CALCR: variants seen among roughly 807,000 people sequenced by gnomAD.
The protein encoded by CALCR is calcitonin receptor.
Under a neutral mutation model 59.5 loss-of-function variants are expected in CALCR, and 47 were observed. That is an observed-to-expected ratio of 0.79 (90% confidence interval 0.63 to 1.01). CALCR has a LOEUF of 1.01. Ranked by LOEUF, CALCR falls within the 50% of genes least tolerant of loss-of-function variation. CALCR has a pLI of 0.00. For synonymous variants in CALCR, 213 were observed against 211.3 expected, an observed-to-expected ratio of 1.01 and a Z score of -0.07; for missense variants, 566 against 597.1, an observed-to-expected ratio of 0.95 and a Z score of 0.54.
chr7:93,499,601 T>C (rs1801279813), intron 2 of CALCR, among the ~76,000 whole-genome samples: 3 of 151,958 alleles, frequency 2.0e-5, no homozygotes, highest in South Asian at 2.1e-4. Context: ...TGCAGACTTA[T>C]CAGCATTTCT....
chr7:93,534,701 T>C (rs765817421), intron 2 of CALCR, among the ~76,000 whole-genome samples: 21 of 151,704 alleles, frequency 1.4e-4, no homozygotes, highest in Non-Finnish European at 4.4e-5. Flanking sequence ...CTTCTGAAAC[T>C]GGAGTTTCAT....
At chr7:93,571,194 G>A (rs947131492) in intron 2 of CALCR, among the ~76,000 whole-genome samples, 1 of 151,992 alleles carries the variant, frequency 6.6e-6, no homozygotes, top group Non-Finnish European at 1.5e-5. Context: ...ACATTCACAT[G>A]GAAAAGCACA....
rs1268501794 is a variant in CALCR at position 93,425,110 on chromosome 7, G to A, written c.*1246C>T. 6.6e-6 allele frequency: 1 copy of A among 152,556 alleles called. No homozygotes were observed. Among genetic ancestry groups the A allele is most frequent in the Non-Finnish European group, 1.5e-5 (1 of 67,998 alleles). The allele number at this position is 152,556 out of a possible 1,614,324, so 9.5% of individuals were successfully genotyped here. A position where few individuals can be genotyped will look rare whatever the true frequency, so the allele number is the denominator to read the frequency against. On this transcript the variant is annotated 3_prime_UTR_variant, in exon 14 of 14. Coordinates refer to ENST00000426151, the MANE Select transcript of CALCR (RefSeq NM_001742.4). Reference sequence around the variant, plus strand: ...ATTTCAGGTGCCAGTAACGATACTGGTTTATTCAGGATTTTCAAAAATCTT... The same window carrying A: ...ATTTCAGGTGCCAGTAACGATACTGATTTATTCAGGATTTTCAAAAATCTT...
intron 2 of CALCR, among the ~76,000 whole-genome samples, chr7:93,540,468 A>G (rs566717085): frequency 6.6e-6 from 1 of 152,238 alleles, no homozygotes; most frequent in Non-Finnish European, 1.5e-5. Context: ...ATTTCCAACT[A>G]TTTTGATCTT....
intron 8 of CALCR, among the ~76,000 whole-genome samples, chr7:93,451,339 C>T (rs554679443): frequency 1.3e-5 from 2 of 152,042 alleles, no homozygotes; most frequent in South Asian, 4.1e-4. Flanking sequence ...ACATGTGACA[C>T]TAAGAAGGAT....
chr7:93,540,322 T>C (rs2116175913), intron 2 of CALCR, among the ~76,000 whole-genome samples: 1 of 152,196 alleles, frequency 6.6e-6, no homozygotes, highest in East Asian at 1.9e-4. Context: ...CCCATTTGAA[T>C]ACAGTCACTC....
At chr7:93,471,680 T>A (rs556651449) in intron 6 of CALCR, among the ~76,000 whole-genome samples, 23 of 151,896 alleles carry the variant, frequency 1.5e-4, no homozygotes, top group Non-Finnish European at 2.7e-4. Flanking sequence ...TAACTCCTTG[T>A]TCTGTAGGGT....
Position 93,425,628 on chromosome 7 carries a change from A to G in CALCR, c.*728T>C, listed in dbSNP as rs571444690. 3 of 152,414 alleles carry G rather than the reference A, an allele frequency of 2.0e-5. No homozygotes were observed. The South Asian group carries it at 6.2e-4, about 32-fold the overall frequency. The allele number at this position is 152,414 out of a possible 1,614,324, so 9.4% of individuals were successfully genotyped here. On this transcript the variant is annotated 3_prime_UTR_variant, in exon 14 of 14. Transcript: ENST00000426151. The stretch of plus-strand genomic sequence containing the variant: ...CAGTTTATAAACATCAGCAACCAAA[A>G]TACATTCAACATTAAGACCAATTCT...
chr7:93,551,059 CACAAA>C (rs1230347392), intron 2 of CALCR, among the ~76,000 whole-genome samples: 1 of 152,092 alleles, frequency 6.6e-6, no homozygotes. Flanking sequence ...AGCAAACCAA[CACAAA>C]ACAAGATATA....
chr7:93,572,357 G>A (rs1287696741), intron 2 of CALCR, among the ~76,000 whole-genome samples: 1 of 152,046 alleles, frequency 6.6e-6, no homozygotes, highest in Admixed American at 6.5e-5. Flanking sequence ...AATCCTGGTT[G>A]CATATTACAA....
rs141043731 is a variant in CALCR at position 93,557,322 on chromosome 7, C to T, written c.-27+16967G>A. 1.6e-3 allele frequency among the ~76,000 whole-genome samples: 246 copies of T among 151,582 alleles called. 1 individual carries two copies. The highest frequency in any genetic ancestry group is 5.7e-3 in the African/African-American group (236 of 41,410). The stretch of plus-strand genomic sequence containing the variant: ...TTATATATATATTTATGGTATGCAA[C>T]TTTATGTTTTGATATATGTATACAT... On this transcript the variant is annotated intron_variant, in intron 2 of 13. Transcript: ENST00000426151.
chr7:93,558,928 G>A (rs1247890970), intron 2 of CALCR, among the ~76,000 whole-genome samples: 1 of 152,070 alleles, frequency 6.6e-6, no homozygotes, highest in African/African-American at 2.4e-5. Flanking sequence ...CTCTGGGAGT[G>A]GGGCCAGCAA....
chr7:93,459,704 C>T (rs1800277148), intron 8 of CALCR, among the ~76,000 whole-genome samples: 1 of 152,140 alleles, frequency 6.6e-6, no homozygotes, highest in African/African-American at 2.4e-5. Context: ...TGAAGTGCAG[C>T]CAGGATTGGA....
chr7:93,442,948 T>TG (rs771222345), intron 9 of CALCR, among the ~76,000 whole-genome samples: 59 of 152,242 alleles, frequency 3.9e-4, no homozygotes, highest in South Asian at 1.7e-3. Context: ...TCAGCAGCCC[T>TG]GGGGGAAAGG....
At position 93,477,629 on chromosome 7, in the gene CALCR, C is replaced by G; in HGVS notation, c.245G>C (p.Trp82Ser). Reference sequence around the variant, plus strand: ...CAATACTCCAGCCGGTGTGTCATCCCAGCACAGCCATCCATCCCAGGTGCG... The same window carrying G: ...CAATACTCCAGCCGGTGTGTCATCCGAGCACAGCCATCCATCCCAGGTGCG... ...CNRTWDGWLC[W>S]DDTPAGVLSY... Residue 82 changes from tryptophan (W) to serine (S), a missense_variant, in exon 5 of 14, where the codon TGG becomes TCG. Coordinates refer to ENST00000426151, the MANE Select transcript of CALCR (RefSeq NM_001742.4). 6.2e-7 allele frequency: 1 copy of G among 1,611,392 alleles called. No individual in the cohort carries two copies. Among genetic ancestry groups the G allele is most frequent in the Non-Finnish European group, 8.5e-7 (1 of 1,178,384 alleles).
rs550193462 is a variant in CALCR, at chr7:93,497,338, T to C, written c.-26-10331A>G. On this transcript the variant is annotated intron_variant, in intron 2 of 13. Coordinates refer to ENST00000426151, the MANE Select transcript of CALCR (RefSeq NM_001742.4). ...CTTATAAACTTAACCACTTTGTAGC[T>C]TGCATTATGTGTATACATCATCTAA... Among the ~76,000 whole-genome samples, 7 of 151,798 alleles carry C rather than the reference T, an allele frequency of 4.6e-5. No homozygotes were observed. The South Asian group carries it at 6.2e-4, about 13-fold the overall frequency.
intron 2 of CALCR, among the ~76,000 whole-genome samples, chr7:93,545,518 G>A (rs1403821286): frequency 6.6e-6 from 1 of 152,086 alleles, no homozygotes; most frequent in Non-Finnish European, 1.5e-5. Context: ...GGACTTCGAT[G>A]ATATTTTGCC....
At chr7:93,445,365 A>C (rs1414315419) in intron 8 of CALCR, among the ~76,000 whole-genome samples, 1 of 152,110 alleles carries the variant, frequency 6.6e-6, no homozygotes, top group Non-Finnish European at 1.5e-5. Flanking sequence ...TTCTTATTTA[A>C]AAGCCCTATT....
At chr7:93,535,909 AAAAC>A (rs1788973014) in intron 2 of CALCR, among the ~76,000 whole-genome samples, 1 of 151,832 alleles carries the variant, frequency 6.6e-6, no homozygotes, top group African/African-American at 2.4e-5. Flanking sequence ...TTCTCTGGTT[AAAAC>A]AGAATTTTCA....
Sources: gnomAD v4.1 joint callset for allele counts (sites outside exome capture counted in the v4.1 genomes callset) on GRCh38, gnomAD v4.1.1 for gene constraint, MANE v1.5 for transcripts, NCBI Gene and HGNC (gene_info 2026-07-23, HGNC 2026-07-21) for gene names.